The following GPR158 variants were observed in gnomAD, a reference collection of about 807,000 sequenced individuals.
GPR158 encodes the protein metabotropic glycine receptor.
In GPR158, 30 loss-of-function variants were observed where a neutral mutation model predicts 78.2. That is an observed-to-expected ratio of 0.38 (90% CI 0.29 to 0.52). The LOEUF (loss-of-function observed/expected upper bound fraction) is 0.52, where lower values mean the gene tolerates loss of function less well. Among genes scored for constraint, GPR158 ranks in the 20% least tolerant of loss-of-function variants. GPR158 has a pLI of 0.83. For synonymous variants in GPR158, 581 were observed against 591.1 expected (o/e 0.98, Z 0.25); for missense variants, 1,463 against 1,523.5 (o/e 0.96, Z 0.66).
chr10:25,485,219 A>G (rs1304651480), intron 5 of GPR158, among the ~76,000 whole-genome samples: 1 of 152,138 alleles, frequency 6.6e-6, no homozygotes, highest in Non-Finnish European at 1.5e-5. Flanking sequence ...TACACTGAAA[A>G]TGGTTGCAAG....
intron 4 of GPR158, 29 bp downstream of exon 4, chr10:25,412,502 T>C (rs112503333): frequency 6.9e-7 from 1 of 1,458,426 alleles, no homozygotes; most frequent in South Asian, 1.1e-5. Flanking sequence ...GTTATGATCC[T>C]GTATTACAGA....
At chr10:25,338,966 A>G (rs1184099741) in intron 2 of GPR158, among the ~76,000 whole-genome samples, 2 of 150,532 alleles carry the variant, frequency 1.3e-5, no homozygotes. Flanking sequence ...GGTCCTACAC[A>G]TATTTTACCC....
intron 2 of GPR158, among the ~76,000 whole-genome samples, chr10:25,310,675 TTAAA>T (rs1254715666): frequency 2.0e-5 from 3 of 152,162 alleles, no homozygotes; most frequent in Non-Finnish European, 4.4e-5. Context: ...TTTCTCACAG[TTAAA>T]TATATATCTT....
chr10:25,206,230 G>T (rs1373686862), intron 1 of GPR158, among the ~76,000 whole-genome samples: 4 of 151,930 alleles, frequency 2.6e-5, no homozygotes, highest in African/African-American at 9.7e-5. Context: ...CTCGTGATCC[G>T]CCTGTCTCGG....
chr10:25,395,243 G>C (rs1299289629), intron 2 of GPR158, among the ~76,000 whole-genome samples: 1 of 152,114 alleles, frequency 6.6e-6, no homozygotes, highest in African/African-American at 2.4e-5. Flanking sequence ...GTTTATGATA[G>C]TGAAATATTT....
chr10:25,251,170 A>C (rs2130721586), intron 2 of GPR158, among the ~76,000 whole-genome samples: 1 of 152,236 alleles, frequency 6.6e-6, no homozygotes, highest in African/African-American at 2.4e-5. Flanking sequence ...TGCTTGGTAG[A>C]TGTTCCTCCA....
chr10:25,472,122 T>G (rs61846636), intron 5 of GPR158, among the ~76,000 whole-genome samples: 4 of 152,036 alleles, frequency 2.6e-5, no homozygotes, highest in East Asian at 3.9e-4. Context: ...TTTAATCCAT[T>G]TTGAATTAAT....
At chr10:25,304,758 T>C (rs2130453345) in intron 2 of GPR158, among the ~76,000 whole-genome samples, 1 of 152,238 alleles carries the variant, frequency 6.6e-6, no homozygotes, top group South Asian at 2.1e-4. Context: ...AGTATCACAG[T>C]GAATTGTAGA....
intron 6 of GPR158, among the ~76,000 whole-genome samples, chr10:25,560,991 A>T (rs939137141): frequency 6.6e-6 from 1 of 152,200 alleles, no homozygotes; most frequent in Non-Finnish European, 1.5e-5. Context: ...TTTTTAGACC[A>T]CAAAAACTAA....
intron 2 of GPR158, among the ~76,000 whole-genome samples, chr10:25,332,280 C>T (rs60876342): frequency 0.2 from 30,898 of 152,028 alleles, 5,305 homozygotes; most frequent in African/African-American, 0.47. Flanking sequence ...TGGCAAAAGA[C>T]TTTGATGAAG....
intron 3 of GPR158, among the ~76,000 whole-genome samples, chr10:25,410,313 T>C (rs1748766142): frequency 6.6e-6 from 1 of 152,150 alleles, no homozygotes; most frequent in African/African-American, 2.4e-5. Context: ...GTCACTATGA[T>C]TTCTATAAAT....
chr10:25,392,733 G>C (rs895672231), intron 2 of GPR158, among the ~76,000 whole-genome samples: 7 of 151,992 alleles, frequency 4.6e-5, no homozygotes, highest in Non-Finnish European at 7.4e-5. Flanking sequence ...TGTTTAGGAG[G>C]TAACAGAGAT....
intron 2 of GPR158, among the ~76,000 whole-genome samples, chr10:25,258,251 A>G (rs563678328): frequency 2.3e-4 from 35 of 152,180 alleles, no homozygotes; most frequent in Non-Finnish European, 4.1e-4. Flanking sequence ...ACCTTCTCTC[A>G]TTCACTTATT....
In GPR158 at chr10:25,235,720, G is replaced by A. The variant is rs188560050; in HGVS notation, c.1008+14563G>A. On this transcript the variant is annotated intron_variant, in intron 2 of 10. Coordinates refer to ENST00000376351, the MANE Select transcript of GPR158 (RefSeq NM_020752.3). Reference sequence around the variant, plus strand: ...TTTTTTTTTTTTTTTTTTTTGAGACGGAGTATCTCTCTGTCATCCAGGCTG... The same window carrying A: ...TTTTTTTTTTTTTTTTTTTTGAGACAGAGTATCTCTCTGTCATCCAGGCTG... Among the ~76,000 whole-genome samples, 69 of 135,146 alleles carry A rather than the reference G, an allele frequency of 5.1e-4. No individual in the cohort carries two copies. The East Asian group carries it at 0.012, about 23-fold the overall frequency. The allele number at this position is 135,146 out of a possible 152,430, so 88.7% of individuals were successfully genotyped here.
intron 4 of GPR158, among the ~76,000 whole-genome samples, chr10:25,428,975 C>T (rs1303952674): frequency 6.6e-6 from 1 of 151,966 alleles, no homozygotes; most frequent in Non-Finnish European, 1.5e-5. Flanking sequence ...GTAGGGCCAT[C>T]TTTAGCGTTA....
chr10:25,552,890 G>C (rs776438759), intron 6 of GPR158, among the ~76,000 whole-genome samples: 5 of 152,152 alleles, frequency 3.3e-5, no homozygotes, highest in Non-Finnish European at 7.3e-5. Context: ...CTTCCATGCA[G>C]GTTCTCCTTC....
intron 4 of GPR158, among the ~76,000 whole-genome samples, chr10:25,435,499 G>A (rs1834987056): frequency 6.6e-6 from 1 of 152,186 alleles, no homozygotes; most frequent in South Asian, 2.1e-4. Flanking sequence ...AGGCACCCAA[G>A]TGTGAAGCAG....
chr10:25,370,918 A>T (rs1001080435), intron 2 of GPR158, among the ~76,000 whole-genome samples: 9 of 151,258 alleles, frequency 6.0e-5, no homozygotes, highest in Admixed American at 4.6e-4. Context: ...TTTACCATTA[A>T]GTAATGGTCT....
intron 5 of GPR158, among the ~76,000 whole-genome samples, chr10:25,480,987 C>T (rs1050577975): frequency 3.3e-5 from 5 of 152,116 alleles, no homozygotes; most frequent in Non-Finnish European, 5.9e-5. Flanking sequence ...CCAGAAGAAC[C>T]TCAATCGGGA....
Sources: gnomAD v4.1 joint callset for allele counts (sites outside exome capture counted in the v4.1 genomes callset) on GRCh38, gnomAD v4.1.1 for gene constraint, MANE v1.5 for transcripts, NCBI Gene and HGNC (gene_info 2026-07-23, HGNC 2026-07-21) for gene names.